EPHA3: variants seen among roughly 807,000 people sequenced by gnomAD.
EPHA3 encodes the protein EPH receptor A3.
In EPHA3, 42 loss-of-function variants were observed where a neutral mutation model predicts 107.1. That is an observed-to-expected ratio of 0.39 (90% CI 0.31 to 0.51). The LOEUF is 0.51. Among genes scored for constraint, EPHA3 ranks in the 20% least tolerant of loss-of-function variants. The pLI, the probability that EPHA3 is intolerant of heterozygous loss-of-function variation, is 0.78. For synonymous variants in EPHA3, 461 were observed against 424.8 expected (o/e 1.09, Z -1.05); for missense variants, 1,183 against 1,211.2 (o/e 0.98, Z 0.35).
At chr3:89,188,052 CAAT>C (rs1203167814) in intron 2 of EPHA3, among the ~76,000 whole-genome samples, 61 of 151,852 alleles carry the variant, frequency 4.0e-4, no homozygotes, top group Admixed American at 4.0e-3. Flanking sequence ...TACTTTATTC[CAAT>C]AATATAAAAG....
At chr3:89,336,397 A>T (rs56132991) in intron 3 of EPHA3, among the ~76,000 whole-genome samples, 4,009 of 152,276 alleles carry the variant, frequency 0.026, 168 homozygotes, top group African/African-American at 0.091. Context: ...TTTTTGAAGG[A>T]TAAAGAAGAC....
At chr3:89,165,465 C>T (rs1357586897) in intron 2 of EPHA3, among the ~76,000 whole-genome samples, 2 of 152,200 alleles carry the variant, frequency 1.3e-5, no homozygotes, top group Non-Finnish European at 2.9e-5. Flanking sequence ...ATCCCCAATG[C>T]TATCACCATA....
chr3:89,200,210 A>G (rs888092760), intron 2 of EPHA3, among the ~76,000 whole-genome samples: 3 of 152,202 alleles, frequency 2.0e-5, no homozygotes, highest in African/African-American at 7.2e-5. Context: ...TACATTGGAC[A>G]TTATTTCACA....
chr3:89,409,550 TG>T (rs977125839), intron 9 of EPHA3, among the ~76,000 whole-genome samples: 2 of 152,068 alleles, frequency 1.3e-5, no homozygotes, highest in Non-Finnish European at 2.9e-5. Context: ...GTTTTGCTAT[TG>T]TTTTTATGGT....
chr3:89,139,794 C>T (rs890959087), intron 2 of EPHA3, among the ~76,000 whole-genome samples: 2 of 151,682 alleles, frequency 1.3e-5, no homozygotes, highest in Non-Finnish European at 2.9e-5. Context: ...CTTTTCATTC[C>T]TCCTCTCTGT....
intron 13 of EPHA3, among the ~76,000 whole-genome samples, chr3:89,432,704 GC>G (rs1379502320): frequency 6.6e-6 from 1 of 151,726 alleles, no homozygotes; most frequent in Non-Finnish European, 1.5e-5. Context: ...TTTAAATTTA[GC>G]CTTTCGATTT....
intron 2 of EPHA3, among the ~76,000 whole-genome samples, chr3:89,139,029 T>G (rs1704373013): frequency 6.6e-6 from 1 of 151,754 alleles, no homozygotes; most frequent in Admixed American, 6.6e-5. Flanking sequence ...TAGAAGTTAT[T>G]ATATTTCCCT....
At position 89,480,194 on chromosome 3, in the gene EPHA3, A is replaced by G. The variant is rs898446933; in HGVS notation, c.*692A>G. 4 of 232,976 alleles carry G rather than the reference A, an allele frequency of 1.7e-5. No homozygotes were observed. Among genetic ancestry groups the G allele is most frequent in the African/African-American group, 8.8e-5 (4 of 45,318 alleles). The allele number at this position is 232,976 out of a possible 1,614,324, so 14.4% of individuals were successfully genotyped here. A position where few individuals can be genotyped will look rare whatever the true frequency, so the allele number is the denominator to read the frequency against. ...TCTATTTATGCCTTGATGATTTAAT[A>G]TGGATTTGTTACAGCCAAGTGCCAA... On this transcript the variant is annotated 3_prime_UTR_variant, in exon 17 of 17. Transcript: ENST00000336596.
intron 11 of EPHA3, among the ~76,000 whole-genome samples, chr3:89,423,210 G>A (rs1400001851): frequency 1.3e-5 from 2 of 151,304 alleles, no homozygotes; most frequent in Non-Finnish European, 1.5e-5. Context: ...TAACTTAAGT[G>A]TAACTTTGCA....
At chr3:89,331,880 A>C (rs551166544) in intron 3 of EPHA3, among the ~76,000 whole-genome samples, 6 of 152,224 alleles carry the variant, frequency 3.9e-5, no homozygotes, top group African/African-American at 1.4e-4. Context: ...TTTCCTATAC[A>C]TTCCAATGCT....
chr3:89,321,113 C>G (rs1707033525), intron 3 of EPHA3, among the ~76,000 whole-genome samples: 1 of 151,814 alleles, frequency 6.6e-6, no homozygotes. Flanking sequence ...AAAATATAGT[C>G]AAAAGTACAT....
chr3:89,293,766 C>A (rs973896314), intron 3 of EPHA3, among the ~76,000 whole-genome samples: 2 of 152,128 alleles, frequency 1.3e-5, no homozygotes, highest in African/African-American at 4.8e-5. Flanking sequence ...GAGGCCTCCC[C>A]AGCCTTGTGG....
chr3:89,380,485 A>G (rs575619378), intron 5 of EPHA3, among the ~76,000 whole-genome samples: 1 of 152,102 alleles, frequency 6.6e-6, no homozygotes, highest in Non-Finnish European at 1.5e-5. Flanking sequence ...GCCTTTGATA[A>G]CTCTGGTCTG....
intron 13 of EPHA3, among the ~76,000 whole-genome samples, chr3:89,438,098 T>G (rs1406087604): frequency 6.6e-6 from 1 of 152,044 alleles, no homozygotes; most frequent in East Asian, 1.9e-4. Flanking sequence ...CATTTTTGTT[T>G]TTTTGTTTTG....
intron 13 of EPHA3, among the ~76,000 whole-genome samples, chr3:89,445,712 G>A (rs779327009): frequency 6.6e-6 from 1 of 152,158 alleles, no homozygotes; most frequent in Non-Finnish European, 1.5e-5. Flanking sequence ...AGACAAAAAG[G>A]AAAAGTGTAA....
intron 2 of EPHA3, among the ~76,000 whole-genome samples, chr3:89,131,463 G>C (rs1704206331): frequency 6.6e-6 from 1 of 152,124 alleles, no homozygotes; most frequent in African/African-American, 2.4e-5. Flanking sequence ...TTGATTGATT[G>C]ACTGATTGAT....
intron 13 of EPHA3, 67 bp from the exon 14 acceptor site, chr3:89,449,158 A>C (rs1709937021): frequency 7.4e-7 from 1 of 1,355,232 alleles, no homozygotes; most frequent in Non-Finnish European, 9.7e-7. Flanking sequence ...CCGGTTTCAG[A>C]TTATGTTATG....
chr3:89,421,111 C>A (rs1709344622), intron 11 of EPHA3, among the ~76,000 whole-genome samples: 1 of 151,328 alleles, frequency 6.6e-6, no homozygotes, highest in Non-Finnish European at 1.5e-5. Context: ...TCTACTTATT[C>A]TTTTATATCG....
chr3:89,321,462 C>T (rs956589149), intron 3 of EPHA3, among the ~76,000 whole-genome samples: 10 of 152,078 alleles, frequency 6.6e-5, no homozygotes, highest in Non-Finnish European at 1.5e-4. Flanking sequence ...TGATACCACT[C>T]CATTAAGTCA....
Sources: allele counts gnomAD v4.1 joint callset (sites outside exome capture counted in the v4.1 genomes callset), GRCh38; gene constraint gnomAD v4.1.1; transcripts MANE v1.5; gene names NCBI Gene and HGNC (gene_info 2026-07-23, HGNC 2026-07-21).